The following ACCS variants were observed in gnomAD, a reference collection of about 807,000 sequenced individuals.
The protein encoded by ACCS is 1-aminocyclopropane-1-carboxylate synthase-like protein 1.
In ACCS, 42 loss-of-function variants were observed where a neutral mutation model predicts 59.8. The observed-to-expected ratio is 0.70, with a 90% CI of 0.55 to 0.91. The LOEUF (loss-of-function observed/expected upper bound fraction) is 0.91, where lower values mean the gene tolerates loss of function less well. Among genes scored for constraint, ACCS ranks in the 40% least tolerant of loss-of-function variants. The pLI, the probability that ACCS is intolerant of heterozygous loss-of-function variation, is 0.00. For missense variants in ACCS, 602 were observed against 630.4 expected (o/e 0.95, Z 0.48); for synonymous variants, 230 against 240.3 (o/e 0.96, Z 0.40).
intron 5 of ACCS, 97 bp downstream of exon 5, chr11:44,074,778 C>CTTTCTTTTTCTTTCTT (rs1565175623): frequency 6.7e-5 from 12 of 180,428 alleles, no homozygotes; most frequent in Admixed American, 2.5e-4. Flanking sequence ...CTTTCTTTTT[C>CTTTCTTTTTCTTTCTT]TCTCTCTCTC....
chr11:44,076,838 A>G (rs1402370046), intron 6 of ACCS, among the ~76,000 whole-genome samples: 1 of 152,216 alleles, frequency 6.6e-6, no homozygotes, highest in Admixed American at 6.5e-5. Context: ...ATGGCTGGGG[A>G]GGCCTCACAG....
In ACCS at chr11:44,066,343, T is replaced by G. The variant is rs763147089; in HGVS notation, c.-359T>G. 4 of 152,114 alleles carry G rather than the reference T, an allele frequency of 2.6e-5. No individual in the cohort carries two copies. Among genetic ancestry groups the G allele is most frequent in the Non-Finnish European group, 5.9e-5 (4 of 68,048 alleles). The allele number at this position is 152,114 out of a possible 1,614,324, so 9.4% of individuals were successfully genotyped here. On this transcript the variant is annotated 5_prime_UTR_variant, in exon 1 of 15. Coordinates refer to ENST00000263776, the MANE Select transcript of ACCS (RefSeq NM_032592.4). ...GCCAAGTAGGTGGGATCCACTACTT[T>G]GCAGAGGAGGAAGCCGTTCAGGCCT...
In ACCS at chr11:44,077,295, C is replaced by T. The variant is rs1378250887; in HGVS notation, c.573C>T (p.Pro191=). The T allele has an allele frequency of 1.2e-6, 2 of 1,614,090 alleles. No homozygotes were observed. Among genetic ancestry groups the T allele is most frequent in the Non-Finnish European group, 1.7e-6 (2 of 1,179,976 alleles). The change falls in exon 7 of 15, where the codon CCC becomes CCT. Residue 191 remains proline (P), a synonymous_variant. Transcript: ENST00000263776. ...TGCCCCCAGAGGCTTTCCTGATCCC[C>T]ACCCCTTACTATGGCGCTATCACAC... ...LCEAGEAFLI[P]TPYYGAITQH... is the part of the protein sequence containing the mutation.
chr11:44,068,661 T>G (rs1952904159), intron 2 of ACCS, among the ~76,000 whole-genome samples: 1 of 152,196 alleles, frequency 6.6e-6, no homozygotes, highest in African/African-American at 2.4e-5. Flanking sequence ...ACCTGTTGTG[T>G]AGAAGAGTCA....
intron 9 of ACCS, chr11:44,079,271 A>T: frequency 2.1e-6 from 1 of 481,306 alleles, no homozygotes; most frequent in Non-Finnish European, 3.7e-6. Flanking sequence ...CTTGTGCATG[A>T]CCTTGCCCCT....
chr11:44,074,739 T>TCTTC (rs1953237337), intron 5 of ACCS, 58 bp downstream of exon 5: 1 of 126,806 alleles, frequency 7.9e-6, no homozygotes, highest in African/African-American at 5.4e-5. Context: ...TCCATCTCTT[T>TCTTC]CTTTCTTTCT....
intron 8 of ACCS, 88 bp from the exon 9 acceptor site, chr11:44,078,596 G>A: frequency 8.9e-7 from 1 of 1,126,932 alleles, no homozygotes; most frequent in Non-Finnish European, 1.3e-6. Flanking sequence ...ATCTCCCTGG[G>A]AGCCTTCCAG....
Position 44,084,120 on chromosome 11 carries a change from G to T in ACCS, c.*328G>T. The T allele has an allele frequency of 4.0e-6, 1 of 251,888 alleles. No individual in the cohort carries two copies. Among genetic ancestry groups the T allele is most frequent in the Non-Finnish European group, 7.6e-6 (1 of 132,404 alleles). The allele number at this position is 251,888 out of a possible 1,614,324, so 15.6% of individuals were successfully genotyped here. Reference sequence around the variant, plus strand: ...GATGTGAAAAGAAAACAAACAACTTGTACCTTCTTTCTGATATCACCGTCA... The same window carrying T: ...GATGTGAAAAGAAAACAAACAACTTTTACCTTCTTTCTGATATCACCGTCA... On this transcript the variant is annotated 3_prime_UTR_variant, in exon 15 of 15. Transcript: ENST00000263776.
At chr11:44,076,004 C>A in intron 6 of ACCS, 1 of 165,840 alleles carries the variant, frequency 6.0e-6, no homozygotes, top group African/African-American at 2.4e-5. Context: ...TGCCTGTTTC[C>A]AAAATGGTCC....
chr11:44,068,755 A>G (rs1480671353), intron 2 of ACCS, among the ~76,000 whole-genome samples: 1 of 152,222 alleles, frequency 6.6e-6, no homozygotes, highest in African/African-American at 2.4e-5. Context: ...TTCTGTCCCA[A>G]ATATAAGCTA....
rs896830970 is a variant in ACCS, at chr11:44,081,456, T to C, written c.1111+136T>C. The C allele has an allele frequency of 4.6e-5, 63 of 1,383,472 alleles. No individual in the cohort carries two copies. In the African/African-American group the frequency reaches 7.9e-4, roughly 17 times the overall value. The allele number at this position is 1,383,472 out of a possible 1,614,324, so 85.7% of individuals were successfully genotyped here. On this transcript the variant is annotated intron_variant, in intron 12 of 14. Coordinates refer to ENST00000263776, the MANE Select transcript of ACCS (RefSeq NM_032592.4). ...GAGAGTGCCAGCTCTGAGCCCCGAC[T>C]GGGTCCATACCCTATTTGGCCACTT...
intron 8 of ACCS, 55 bp downstream of exon 8, chr11:44,077,977 T>C (rs1953458762): frequency 6.3e-7 from 1 of 1,577,822 alleles, no homozygotes; most frequent in Non-Finnish European, 8.6e-7. Context: ...GAGCAGGGTC[T>C]GGACCCCTCT....
At chr11:44,070,740 C>G (rs559193921) in intron 2 of ACCS, among the ~76,000 whole-genome samples, 1 of 152,212 alleles carries the variant, frequency 6.6e-6, no homozygotes, top group South Asian at 2.1e-4. Flanking sequence ...GGCAAAGGAA[C>G]CTCTTCTTGA....
In ACCS at chr11:44,081,201, G is replaced by T; in HGVS notation, c.992G>T (p.Arg331Leu). The T allele has an allele frequency of 1.9e-6, 3 of 1,614,248 alleles. No individual in the cohort carries two copies. Among genetic ancestry groups the T allele is most frequent in the East Asian group, 2.2e-5 (1 of 44,878 alleles). ...TSKDFGMSGL[R>L]FGTLYTENQD... ...CAGGACTTCGGGATGTCTGGGCTCCGCTTTGGCACGCTGTACACAGAAAAC... is the reference window on the plus strand; with the variant it reads ...CAGGACTTCGGGATGTCTGGGCTCCTCTTTGGCACGCTGTACACAGAAAAC... The change falls in exon 12 of 15, where the codon CGC (arginine) becomes CTC (leucine). Residue 331 changes from arginine (R) to leucine (L), a missense_variant. Coordinates refer to ENST00000263776, the MANE Select transcript of ACCS (RefSeq NM_032592.4).
At position 44,074,616 on chromosome 11, in the gene ACCS, C is replaced by T. The variant is rs538858839; in HGVS notation, c.424C>T (p.Arg142Trp). 63 of 1,613,520 alleles carry T rather than the reference C, an allele frequency of 3.9e-5. No individual in the cohort carries two copies. Among genetic ancestry groups the T allele is most frequent in the Middle Eastern group, 3.3e-4 (2 of 6,062 alleles). ...YADWRGHLFL[R>W]EEVAKFLSFY... ...GTCTTTTTGTCTTATCTTCAGCCTCCGGGAGGAAGTGGCCAAGTTCCTGTC... is the reference window on the plus strand; with the variant it reads ...GTCTTTTTGTCTTATCTTCAGCCTCTGGGAGGAAGTGGCCAAGTTCCTGTC... The change falls in exon 5 of 15, where the codon CGG becomes TGG. Residue 142 changes from arginine (R) to tryptophan (W), a missense_variant. Physicochemically the swap from Arg to Trp is moderately radical, Grantham distance 101 (BLOSUM62 -3). Coordinates refer to ENST00000263776, the MANE Select transcript of ACCS (RefSeq NM_032592.4).
chr11:44,073,672 GC>G, intron 4 of ACCS, 155 bp downstream of exon 4: 1 of 697,120 alleles, frequency 1.4e-6, no homozygotes. Context: ...GTACAGGACA[GC>G]CCCCACAATG....
intron 2 of ACCS, among the ~76,000 whole-genome samples, chr11:44,068,459 A>T (rs7947088): frequency 6.6e-6 from 1 of 151,806 alleles, no homozygotes; most frequent in Non-Finnish European, 1.5e-5. Context: ...AAAAAAATTA[A>T]CAGGGTGTGG....
Position 44,077,867 on chromosome 11 carries a change from C to A in ACCS, c.677C>A (p.Pro226His). 6.2e-7 allele frequency: 1 copy of A among 1,614,000 alleles called. No homozygotes were observed. The highest frequency in any genetic ancestry group is 8.5e-7 in the Non-Finnish European group (1 of 1,179,948). Residue 226 changes from proline (P) to histidine (H), a missense_variant, in exon 8 of 15, where the codon CCC (proline) becomes CAC (histidine). Coordinates refer to ENST00000263776, the MANE Select transcript of ACCS (RefSeq NM_032592.4). ...DSEVTGLDTR[P>H]FQLTVEKLEM... ...CAGGTCACTGGGCTAGACACACGCC[C>A]CTTCCAGCTCACAGTGGAGAAGCTG... is the stretch of plus-strand genomic sequence containing the variant.
intron 2 of ACCS, 81 bp downstream of exon 2, chr11:44,067,996 C>T: frequency 7.0e-7 from 1 of 1,438,842 alleles, no homozygotes; most frequent in East Asian, 2.4e-5. Flanking sequence ...AAGGCAGCAT[C>T]CAGCCTGCTC....
Sources: allele counts gnomAD v4.1 joint callset (sites outside exome capture counted in the v4.1 genomes callset), GRCh38; gene constraint gnomAD v4.1.1; transcripts MANE v1.5; gene names NCBI Gene and HGNC (gene_info 2026-07-23, HGNC 2026-07-21).